The following TRUB1 variants were observed in gnomAD, a reference collection of about 807,000 sequenced individuals.
The protein encoded by TRUB1 is TruB pseudouridine synthase family member 1, also known as pseudouridylate synthase TRUB1.
TRUB1 carries 23 observed loss-of-function variants against 33.9 expected under a neutral mutation model. The ratio of observed to expected loss-of-function variants is 0.68; its 90% CI spans 0.49 to 0.96. TRUB1 has a LOEUF of 0.96. Ranked by LOEUF, TRUB1 falls within the 40% of genes least tolerant of loss-of-function variation. TRUB1 has a pLI of 0.00. For synonymous variants in TRUB1, 163 were observed against 165.4 expected (o/e 0.99, Z 0.11); for missense variants, 378 against 422.2 (o/e 0.90, Z 0.92).
At chr10:114,950,048 G>A (rs771345147) in intron 2 of TRUB1, among the ~76,000 whole-genome samples, 45 of 151,968 alleles carry the variant, frequency 3.0e-4, no homozygotes, top group South Asian at 1.9e-3. Context: ...ACAGGCATGC[G>A]CCACCATACC....
chr10:114,968,735 C>T lies in TRUB1; in HGVS notation c.524-1633C>T, dbSNP rs1225734729. 3.9e-5 allele frequency among the ~76,000 whole-genome samples: 6 copies of T among 152,090 alleles called. No individual in the cohort carries two copies. In the East Asian group the frequency reaches 1.2e-3, roughly 29 times the overall value. ...ATTCTAGTCTTTTGTTTGTGTTTAG[C>T]TTTTAAGGGTCAAGGTCATACTGAG... is the stretch of plus-strand genomic sequence containing the variant. On this transcript the variant is annotated intron_variant, in intron 4 of 7. Coordinates refer to ENST00000298746, the MANE Select transcript of TRUB1 (RefSeq NM_139169.5).
intron 3 of TRUB1, among the ~76,000 whole-genome samples, chr10:114,959,402 A>G (rs2084275771): frequency 6.6e-6 from 1 of 152,152 alleles, no homozygotes; most frequent in African/African-American, 2.4e-5. Context: ...AGACTTGAAC[A>G]TTTTCCTTAA....
intron 3 of TRUB1, among the ~76,000 whole-genome samples, chr10:114,954,766 T>A (rs1564699123): frequency 6.6e-6 from 1 of 152,348 alleles, no homozygotes; most frequent in East Asian, 1.9e-4. Flanking sequence ...CTGTTATTAC[T>A]ATTCCCAAGT....
intron 4 of TRUB1, among the ~76,000 whole-genome samples, chr10:114,968,565 A>G (rs1444414952): frequency 6.6e-6 from 1 of 152,196 alleles, no homozygotes; most frequent in African/African-American, 2.4e-5. Flanking sequence ...TTTCATAGAA[A>G]AATCCTCATC....
chr10:114,954,217 A>G (rs1378667034), intron 3 of TRUB1, among the ~76,000 whole-genome samples: 1 of 152,192 alleles, frequency 6.6e-6, no homozygotes, highest in Non-Finnish European at 1.5e-5. Context: ...AGTTACGTCA[A>G]GAGTAGAAAT....
intron 2 of TRUB1, among the ~76,000 whole-genome samples, chr10:114,946,725 A>T (rs930103389): frequency 6.6e-6 from 1 of 151,302 alleles, no homozygotes; most frequent in Non-Finnish European, 1.5e-5. Context: ...TACTTTCAAC[A>T]TTTTTTTTTG....
chr10:114,970,649 T>C (rs866387038), intron 5 of TRUB1, among the ~76,000 whole-genome samples: 1 of 152,180 alleles, frequency 6.6e-6, no homozygotes, highest in Non-Finnish European at 1.5e-5. Context: ...TGTTTCTGAG[T>C]GTGGCCCCAG....
At chr10:114,964,042 T>C (rs534298149) in intron 4 of TRUB1, among the ~76,000 whole-genome samples, 26 of 152,282 alleles carry the variant, frequency 1.7e-4, no homozygotes, top group African/African-American at 4.6e-4. Context: ...AGTGGGTGTA[T>C]ATTTAACTGT....
intron 3 of TRUB1, 53 bp downstream of exon 3, chr10:114,951,202 T>G: frequency 1.4e-6 from 2 of 1,417,746 alleles, no homozygotes; most frequent in East Asian, 4.6e-5. Flanking sequence ...ATGATCTACA[T>G]GTATTGGGTT....
Position 114,974,393 on chromosome 10 carries a change from T to TA in TRUB1, c.793+13dup. ...TCAGTGACATTGGAAAAGGTAAGCATAAAAATGAATTATGAATTATCATTT... is the reference window on the plus strand; with the variant it reads ...TCAGTGACATTGGAAAAGGTAAGCATAAAAAATGAATTATGAATTATCATTT... On this transcript the variant is annotated intron_variant, in intron 7 of 7. Coordinates refer to ENST00000298746, the MANE Select transcript of TRUB1 (RefSeq NM_139169.5). The TA allele has an allele frequency of 1.9e-6, 3 of 1,606,152 alleles. No homozygotes were observed. Among genetic ancestry groups the TA allele is most frequent in the South Asian group, 1.1e-5 (1 of 90,756 alleles).
At chr10:114,952,995 G>A (rs1011024964) in intron 3 of TRUB1, among the ~76,000 whole-genome samples, 1 of 151,842 alleles carries the variant, frequency 6.6e-6, no homozygotes, top group Non-Finnish European at 1.5e-5. Flanking sequence ...ATATATTTAC[G>A]TTAAGGAATT....
chr10:114,972,727 C>T (rs1383207857), intron 6 of TRUB1, among the ~76,000 whole-genome samples: 1 of 152,148 alleles, frequency 6.6e-6, no homozygotes, highest in Non-Finnish European at 1.5e-5. Context: ...AGAAACCCCT[C>T]ACTCCCTTCT....
chr10:114,964,418 A>G (rs1310324096), intron 4 of TRUB1, among the ~76,000 whole-genome samples: 1 of 151,966 alleles, frequency 6.6e-6, no homozygotes, highest in Non-Finnish European at 1.5e-5. Flanking sequence ...GGTTCTTTAT[A>G]TAGTCTGGAT....
intron 3 of TRUB1, among the ~76,000 whole-genome samples, chr10:114,953,811 G>A (rs1375723224): frequency 1.3e-5 from 2 of 152,148 alleles, no homozygotes; most frequent in African/African-American, 4.8e-5. Context: ...TGGTGAGAGA[G>A]GGAGTGACAG....
Position 114,975,365 on chromosome 10 carries a change from A to T in TRUB1, c.1036A>T (p.Ile346Phe). 6.3e-7 allele frequency: 1 copy of T among 1,581,154 alleles called. No individual in the cohort carries two copies. Among genetic ancestry groups the T allele is most frequent in the South Asian group, 1.2e-5 (1 of 86,584 alleles). ...TGAGCCAAAGAGAGAAGATGATGTA[A>T]TTAAGACGTGTTGAGATTGGCCTGG... ...LNEPKREDDV[I>F]KTC The change falls in exon 8 of 8, where the codon ATT becomes TTT. Residue 346 changes from isoleucine (I) to phenylalanine (F), a missense_variant. Transcript: ENST00000298746.
chr10:114,947,226 C>T (rs1007728826), intron 2 of TRUB1, among the ~76,000 whole-genome samples: 1 of 152,068 alleles, frequency 6.6e-6, no homozygotes, highest in African/African-American at 2.4e-5. Context: ...AGGATTCTCC[C>T]CTAGCACCTC....
intron 3 of TRUB1, among the ~76,000 whole-genome samples, chr10:114,956,298 A>C (rs1397771501): frequency 4.6e-5 from 7 of 152,206 alleles, no homozygotes; most frequent in African/African-American, 1.7e-4. Flanking sequence ...CACGGTTCCC[A>C]GGTATACGTC....
At chr10:114,967,208 CCT>C (rs1353541662) in intron 4 of TRUB1, among the ~76,000 whole-genome samples, 1 of 152,106 alleles carries the variant, frequency 6.6e-6, no homozygotes, top group Non-Finnish European at 1.5e-5. Flanking sequence ...TTGACGTTCC[CCT>C]CTCTGTCCCA....
At chr10:114,959,938 G>T in intron 4 of TRUB1, 131 bp downstream of exon 4, 1 of 615,934 alleles carries the variant, frequency 1.6e-6, no homozygotes, top group Non-Finnish European at 2.8e-6. Context: ...GGGCTAAGAA[G>T]ATTGGAAATT....
Sources: gnomAD v4.1 joint callset for allele counts (sites outside exome capture counted in the v4.1 genomes callset) on GRCh38, gnomAD v4.1.1 for gene constraint, MANE v1.5 for transcripts, NCBI Gene and HGNC (gene_info 2026-07-23, HGNC 2026-07-21) for gene names.